ME1: variants seen among roughly 807,000 people sequenced by gnomAD.
ME1 encodes malic enzyme 1, also known as NADP-dependent malic enzyme.
A neutral mutation model predicts 66.4 loss-of-function variants in ME1; 74 were observed. That is an observed-to-expected ratio of 1.11 (90% CI 0.92 to 1.35). The LOEUF (loss-of-function observed/expected upper bound fraction) is 1.35. ME1 is among the 40% of genes most tolerant of loss of function. The pLI, the probability that ME1 is intolerant of heterozygous loss-of-function variation, is 0.00. For missense variants in ME1, 750 were observed against 694.1 expected (o/e 1.08, Z -0.90); for synonymous variants, 251 against 235.6 (o/e 1.07, Z -0.60).
At chr6:83,387,069 T>C (rs537172354) in intron 3 of ME1, among the ~76,000 whole-genome samples, 1 of 152,320 alleles carries the variant, frequency 6.6e-6, no homozygotes, top group Admixed American at 6.5e-5. Context: ...TTTGCAGTTA[T>C]TAAAACTGGC....
intron 6 of ME1, among the ~76,000 whole-genome samples, chr6:83,297,410 A>T (rs1767619668): frequency 6.6e-6 from 1 of 152,190 alleles, no homozygotes; most frequent in African/African-American, 2.4e-5. Context: ...ATTAAATGTT[A>T]TTCCAATCAA....
intron 3 of ME1, among the ~76,000 whole-genome samples, chr6:83,376,804 CAAA>C (rs70987750): frequency 6.9e-5 from 6 of 87,112 alleles, no homozygotes; most frequent in Admixed American, 1.5e-4. Flanking sequence ...CCCTGTCTCA[CAAA>C]AAAAAAAAAA....
intron 6 of ME1, among the ~76,000 whole-genome samples, chr6:83,270,106 C>T (rs2128530958): frequency 6.6e-6 from 1 of 152,088 alleles, no homozygotes; most frequent in South Asian, 2.1e-4. Flanking sequence ...AAAAATGGTG[C>T]TGCAGCAAGG....
At position 83,247,669 on chromosome 6, in the gene ME1, T is replaced by C. The variant is rs1005433335; in HGVS notation, c.814+5960A>G. ...TGCCTGCAGAGAGGAAAGTATTACA[T>C]CTGTGGGCATAATGGTAAGAACATA... On this transcript the variant is annotated intron_variant, in intron 7 of 13. Transcript: ENST00000369705. Among the ~76,000 whole-genome samples the C allele has an allele frequency of 2.2e-4, 34 of 152,200 alleles. No individual in the cohort carries two copies. In the East Asian group the frequency reaches 6.4e-3, roughly 29 times the overall value.
chr6:83,239,066 T>G (rs1330101981), intron 8 of ME1, among the ~76,000 whole-genome samples: 2 of 151,812 alleles, frequency 1.3e-5, no homozygotes, highest in Non-Finnish European at 2.9e-5. Flanking sequence ...ATGTGAACAG[T>G]AATAATATAC....
chr6:83,307,083 C>G (rs527959891), intron 6 of ME1, among the ~76,000 whole-genome samples: 1 of 151,962 alleles, frequency 6.6e-6, no homozygotes, highest in African/African-American at 2.4e-5. Context: ...GACAGGGATG[C>G]AAATCAAATA....
At chr6:83,281,846 C>CAAAAAAAAAAAA (rs1562468375) in intron 6 of ME1, among the ~76,000 whole-genome samples, 1 of 67,720 alleles carries the variant, frequency 1.5e-5, no homozygotes. Flanking sequence ...GAAAAGAAAA[C>CAAAAAAAAAAAA]AAAAAAGAGA....
chr6:83,243,838 AT>A lies in ME1; in HGVS notation c.815-4203del, dbSNP rs1387756999. On this transcript the variant is annotated intron_variant, in intron 7 of 13. Coordinates refer to ENST00000369705, the MANE Select transcript of ME1 (RefSeq NM_002395.6). ...ATATTTATATAATATAATATATAAT[AT>A]AAATTATATATATAATTATATATAA... Among the ~76,000 whole-genome samples, 5 of 132,138 alleles carry A rather than the reference AT, an allele frequency of 3.8e-5. No individual in the cohort carries two copies. In the East Asian group the frequency reaches 1.0e-3, roughly 27 times the overall value. The allele number at this position is 132,138 out of a possible 152,430, so 86.7% of individuals were successfully genotyped here. A position where few individuals can be genotyped will look rare whatever the true frequency, so the allele number is the denominator to read the frequency against.
intron 6 of ME1, among the ~76,000 whole-genome samples, chr6:83,272,339 G>A (rs745958511): frequency 5.9e-5 from 9 of 151,858 alleles, no homozygotes; most frequent in Non-Finnish European, 1.2e-4. Flanking sequence ...AATATAATGT[G>A]CTATCTTGAA....
At chr6:83,341,240 T>G (rs762588443) in intron 5 of ME1, among the ~76,000 whole-genome samples, 9 of 152,202 alleles carry the variant, frequency 5.9e-5, no homozygotes, top group Non-Finnish European at 8.8e-5. Context: ...CATGTCCTGA[T>G]TTTATAGGAA....
chr6:83,405,816 G>C (rs1191410027), intron 2 of ME1, among the ~76,000 whole-genome samples: 1 of 149,520 alleles, frequency 6.7e-6, no homozygotes, highest in African/African-American at 2.5e-5. Flanking sequence ...CCGCCTCCCG[G>C]GTTCACGCCA....
chr6:83,360,787 A>C (rs151050805), intron 3 of ME1, among the ~76,000 whole-genome samples: 4,192 of 152,346 alleles, frequency 0.028, 200 homozygotes, highest in African/African-American at 0.092. Flanking sequence ...AGAGAATGAC[A>C]GTAGATTATT....
chr6:83,234,442 CTA>C (rs1221153810), intron 9 of ME1, among the ~76,000 whole-genome samples: 1 of 152,090 alleles, frequency 6.6e-6, no homozygotes, highest in Non-Finnish European at 1.5e-5. Flanking sequence ...CTTAAACTTT[CTA>C]TGTGTGAAAC....
chr6:83,245,380 G>A (rs955429633), intron 7 of ME1, among the ~76,000 whole-genome samples: 1 of 151,600 alleles, frequency 6.6e-6, no homozygotes, highest in Admixed American at 6.6e-5. Context: ...CTTTCCCAAA[G>A]TAGTGGGGTG....
chr6:83,418,148 A>C (rs1035617825), intron 1 of ME1, among the ~76,000 whole-genome samples: 3 of 152,208 alleles, frequency 2.0e-5, no homozygotes, highest in African/African-American at 7.2e-5. Context: ...CAGTTACTTT[A>C]TGGGCGGTTG....
chr6:83,357,904 T>A (rs560023753), intron 3 of ME1, among the ~76,000 whole-genome samples: 2 of 28,052 alleles, frequency 7.1e-5, no homozygotes, highest in African/African-American at 2.2e-4. Flanking sequence ...TAAACTCCCC[T>A]CTCTCTCTCT....
intron 6 of ME1, among the ~76,000 whole-genome samples, chr6:83,314,208 A>C (rs1175821707): frequency 6.6e-6 from 1 of 152,194 alleles, no homozygotes; most frequent in African/African-American, 2.4e-5. Flanking sequence ...AAAAATTTAC[A>C]ATAGCATCTG....
At chr6:83,396,504 C>T (rs1769733910) in intron 3 of ME1, among the ~76,000 whole-genome samples, 1 of 152,120 alleles carries the variant, frequency 6.6e-6, no homozygotes, top group African/African-American at 2.4e-5. Flanking sequence ...TGTTCCATTT[C>T]ATGGATTGGA....
chr6:83,353,327 A>C (rs541833976), intron 3 of ME1, among the ~76,000 whole-genome samples: 29 of 152,310 alleles, frequency 1.9e-4, no homozygotes, highest in African/African-American at 7.0e-4. Flanking sequence ...GTCTAAATTC[A>C]TGAATTCATC....
Sources: allele counts gnomAD v4.1 joint callset (sites outside exome capture counted in the v4.1 genomes callset), GRCh38; gene constraint gnomAD v4.1.1; transcripts MANE v1.5; gene names NCBI Gene and HGNC (gene_info 2026-07-23, HGNC 2026-07-21).